Variants in SYNE1 observed in about 807,000 individuals in gnomAD.
SYNE1 encodes the protein spectrin repeat containing nuclear envelope protein 1.
A neutral mutation model predicts 1,111.0 loss-of-function variants in SYNE1; 616 were observed. That is an observed-to-expected ratio of 0.55 (90% CI 0.52 to 0.59). The LOEUF (loss-of-function observed/expected upper bound fraction) is 0.59, where lower values mean the gene tolerates loss of function less well. Among genes scored for constraint, SYNE1 ranks in the 20% least tolerant of loss-of-function variants. SYNE1 has a pLI of 0.00. For synonymous variants in SYNE1, 3,855 were observed against 3,825.8 expected, an observed-to-expected ratio of 1.01 and a Z score of -0.28; for missense variants, 10,006 against 10,417.0, an observed-to-expected ratio of 0.96 and a Z score of 1.72.
At chr6:152,122,984 C>T (rs2051900446) in intron 145 of SYNE1, among the ~76,000 whole-genome samples, 1 of 152,240 alleles carries the variant, frequency 6.6e-6, no homozygotes, top group African/African-American at 2.4e-5. Context: ...CTGCTCTATA[C>T]ACATTCTACT....
chr6:152,236,009 T>C (rs1280701574), intron 110 of SYNE1, 98 bp downstream of exon 110: 1 of 1,353,952 alleles, frequency 7.4e-7, no homozygotes, highest in Non-Finnish European at 1.1e-6. Context: ...ACCCAAGTAA[T>C]GAGATTATAG....
At chr6:152,261,721 T>A (rs2092020924) in intron 101 of SYNE1, among the ~76,000 whole-genome samples, 1 of 152,188 alleles carries the variant, frequency 6.6e-6, no homozygotes, top group South Asian at 2.1e-4. Flanking sequence ...TCCTTACTTT[T>A]TCAAGTTTGC....
At chr6:152,541,875 T>C (rs1238125097) in intron 3 of SYNE1, among the ~76,000 whole-genome samples, 1 of 151,108 alleles carries the variant, frequency 6.6e-6, no homozygotes, top group Non-Finnish European at 1.5e-5. Context: ...GACGAGACCA[T>C]TCATACACAA....
At chr6:152,465,508 C>A (rs751528154) in intron 17 of SYNE1, 48 bp from the exon 18 acceptor site, 1 of 1,543,116 alleles carries the variant, frequency 6.5e-7, no homozygotes, top group South Asian at 1.2e-5. Flanking sequence ...ATTTTAAATC[C>A]TCTACACCTT....
At chr6:152,620,777 A>G (rs562968617) in intron 3 of SYNE1, among the ~76,000 whole-genome samples, 168 of 152,262 alleles carry the variant, frequency 1.1e-3, no homozygotes, top group African/African-American at 3.9e-3. Context: ...AATATTAACT[A>G]TTTATATTAT....
Position 152,225,900 on chromosome 6 carries a change from C to A in SYNE1, c.21196-24G>T, listed in dbSNP as rs373197420. On this transcript the variant is annotated intron_variant, in intron 115 of 145. Transcript: ENST00000367255. ...TCCTGAAAGATTTAAAAAATAGTCA[C>A]TTTAAATTGTTCTATTATGGAACTC... The A allele has an allele frequency of 4.5e-5, 73 of 1,607,272 alleles. No homozygotes were observed. The African/African-American group carries it at 9.5e-4, about 21-fold the overall frequency.
At chr6:152,201,473 CTTT>C (rs199617709) in intron 127 of SYNE1, among the ~76,000 whole-genome samples, 1 of 140,474 alleles carries the variant, frequency 7.1e-6, no homozygotes. Context: ...GCTGTTGATC[CTTT>C]TTTTTTTTTT....
At chr6:152,480,509 C>T (rs911144102) in intron 14 of SYNE1, among the ~76,000 whole-genome samples, 13 of 152,110 alleles carry the variant, frequency 8.5e-5, no homozygotes, top group African/African-American at 2.9e-4. Context: ...AGTGACAAAG[C>T]GAGCCTCCAT....
At position 152,220,946 on chromosome 6, in the gene SYNE1, A is replaced by G. The variant is rs1349351751; in HGVS notation, c.21757T>C (p.Ser7253Pro). ...RYKDYSKQCA[S>P]TVQQQEDRTN... ...CGATCCTCCTGCTGCTGAACTGTCG[A>G]AGCACACTGTTTGGAGTAGTCCTTG... The change falls in exon 119 of 146, where the codon TCG becomes CCG. Residue 7253 changes from serine (S) to proline (P), a missense_variant. Physicochemically the swap from Ser to Pro is moderately conservative, Grantham distance 74 (BLOSUM62 -1). Transcript: ENST00000367255. 6.2e-7 allele frequency: 1 copy of G among 1,614,130 alleles called. No individual in the cohort carries two copies. The highest frequency in any genetic ancestry group is 8.5e-7 in the Non-Finnish European group (1 of 1,179,990).
At chr6:152,271,581 A>C (rs143800781) in intron 98 of SYNE1, among the ~76,000 whole-genome samples, 1 of 152,198 alleles carries the variant, frequency 6.6e-6, no homozygotes, top group Non-Finnish European at 1.5e-5. Flanking sequence ...AGAGATGGGA[A>C]GTTTGGGTGG....
chr6:152,214,897 T>G lies in SYNE1; in HGVS notation c.22346+9A>C. ...CTGGAGCAACCAAGACATCTCTTGT[T>G]TACTCTACCTGAATCTTTCTGTAGT... is the stretch of plus-strand genomic sequence containing the variant. On this transcript the variant is annotated intron_variant, in intron 122 of 145. Transcript: ENST00000367255. The G allele has an allele frequency of 6.2e-7, 1 of 1,614,058 alleles. No homozygotes were observed. Among genetic ancestry groups the G allele is most frequent in the Non-Finnish European group, 8.5e-7 (1 of 1,179,972 alleles).
intron 105 of SYNE1, among the ~76,000 whole-genome samples, chr6:152,247,855 A>AACACACACACACAC (rs10592346): frequency 4.8e-4 from 43 of 89,898 alleles, no homozygotes; most frequent in African/African-American, 1.9e-3. Flanking sequence ...GGTGTTCTTT[A>AACACACACACACAC]ACACACACAC....
In SYNE1 at chr6:152,528,928, C is replaced by T. The variant is rs552584696; in HGVS notation, c.130-2753G>A. Among the ~76,000 whole-genome samples, 63 of 152,222 alleles carry T rather than the reference C, an allele frequency of 4.1e-4. No individual in the cohort carries two copies. The South Asian group carries it at 8.5e-3, about 21-fold the overall frequency. On this transcript the variant is annotated intron_variant, in intron 4 of 145. Transcript: ENST00000367255. ...TTAATACCATCATTTTTATACTAAGCTTCCTGTCTAACAAGGTGACTCAAA... is the reference window on the plus strand; with the variant it reads ...TTAATACCATCATTTTTATACTAAGTTTCCTGTCTAACAAGGTGACTCAAA...
chr6:152,395,563 A>G lies in SYNE1; in HGVS notation c.7665T>C (p.Asn2555=). The change falls in exon 51 of 146, where the codon AAT becomes AAC. Residue 2555 remains asparagine (N), a synonymous_variant. Transcript: ENST00000367255. ...AAAACATTTCAACTTTATGAACTTCATTTTTCTTCTCAGGAATGTGCTGTT... is the reference window on the plus strand; with the variant it reads ...AAAACATTTCAACTTTATGAACTTCGTTTTTCTTCTCAGGAATGTGCTGTT... ...ESKQHIPEKK[N]EVHKVEMFLG... The G allele has an allele frequency of 6.2e-7, 1 of 1,613,956 alleles. No homozygotes were observed. The highest frequency in any genetic ancestry group is 8.5e-7 in the Non-Finnish European group (1 of 1,179,978).
chr6:152,422,770 A>G (rs1016335925), intron 39 of SYNE1, among the ~76,000 whole-genome samples: 4 of 152,234 alleles, frequency 2.6e-5, no homozygotes, highest in African/African-American at 9.6e-5. Flanking sequence ...TGGCCTCCCA[A>G]AACTCTGGGA....
At chr6:152,136,034 TC>T (rs797020303) in intron 141 of SYNE1, among the ~76,000 whole-genome samples, 48 of 152,322 alleles carry the variant, frequency 3.2e-4, no homozygotes, top group African/African-American at 1.1e-3. Flanking sequence ...CAATGTTAGC[TC>T]AAAGAGCCAA....
rs778606430 is a variant in SYNE1, at chr6:152,301,913, C to T, written c.17497G>A (p.Gly5833Arg). 6.2e-7 allele frequency: 1 copy of T among 1,614,110 alleles called. No homozygotes were observed. The highest frequency in any genetic ancestry group is 8.5e-7 in the Non-Finnish European group (1 of 1,180,008). Residue 5833 changes from glycine (G) to arginine (R), a missense_variant, in exon 92 of 146, where the codon GGG becomes AGG. Coordinates refer to ENST00000367255, the MANE Select transcript of SYNE1 (RefSeq NM_182961.4). ...GLAEGTEDLD[G>R]ELLPTPSAHP... ...GCCGAAGGCGTGGGGAGGAGCTCCC[C>T]ATCCAGGTCCTCTGTCCCTTCCGCC...
chr6:152,140,818 G>C (rs2058355592), intron 139 of SYNE1, among the ~76,000 whole-genome samples: 1 of 152,138 alleles, frequency 6.6e-6, no homozygotes, highest in African/African-American at 2.4e-5. Context: ...TGGATCACGA[G>C]GTCAGGAGAT....
chr6:152,536,249 T>G (rs1185571662), intron 4 of SYNE1, among the ~76,000 whole-genome samples: 3 of 149,814 alleles, frequency 2.0e-5, no homozygotes, highest in African/African-American at 7.4e-5. Flanking sequence ...ATCATTCCCT[T>G]CTATACAGAT....
Sources: gnomAD v4.1 joint callset for allele counts (sites outside exome capture counted in the v4.1 genomes callset) on GRCh38, gnomAD v4.1.1 for gene constraint, MANE v1.5 for transcripts, NCBI Gene and HGNC (gene_info 2026-07-23, HGNC 2026-07-21) for gene names.